PRKD3: variants seen among roughly 807,000 people sequenced by gnomAD.
PRKD3 encodes the protein protein kinase D3.
In PRKD3, 47 loss-of-function variants were observed where a neutral mutation model predicts 99.2. That is an observed-to-expected ratio of 0.47 (90% confidence interval 0.38 to 0.60). The LOEUF (loss-of-function observed/expected upper bound fraction) is 0.60, where lower values mean the gene tolerates loss of function less well. PRKD3 is among the 20% of genes least tolerant of loss of function. The pLI is 0.00. For missense variants in PRKD3, 1,019 were observed against 1,088.4 expected, an observed-to-expected ratio of 0.94 and a Z score of 0.90; for synonymous variants, 392 against 355.4, an observed-to-expected ratio of 1.10 and a Z score of -1.16.
At position 37,317,975 on chromosome 2, in the gene PRKD3, T is replaced by TA. The variant is rs761265481; in HGVS notation, c.-655-797dup. 1,047 of 139,942 alleles carry TA rather than the reference T, an allele frequency of 7.5e-3. 9 individuals carry two copies. The highest frequency in any genetic ancestry group is 0.023 in the African/African-American group (889 of 38,112). The allele number at this position is 139,942 out of a possible 1,614,324, so 8.7% of individuals were successfully genotyped here. On this transcript the variant is annotated intron_variant, in intron 1 of 18. Coordinates refer to ENST00000234179, the MANE Select transcript of PRKD3 (RefSeq NM_005813.6). ...TCTAGGAAAGCACAGGTCAAAAAGTTAAAAAAAAAAAAAGGTATGACCCAA... is the reference window on the plus strand; with the variant it reads ...TCTAGGAAAGCACAGGTCAAAAAGTTAAAAAAAAAAAAAAGGTATGACCCAA...
At chr2:37,269,533 T>C (rs773952022) in intron 13 of PRKD3, 82 bp downstream of exon 13, 4 of 1,257,794 alleles carry the variant, frequency 3.2e-6, no homozygotes, top group African/African-American at 1.5e-5. Context: ...AACTATGAGA[T>C]GACAAAACAG....
chr2:37,277,911 C>CATTG lies in PRKD3; in HGVS notation c.1247_1250dup (p.Met417IlefsTer16). On this transcript the variant is annotated frameshift_variant, in exon 9 of 19. Transcript: ENST00000234179. LOFTEE classifies it high-confidence loss of function. ...AATGGACCATCCACCCTTCCTTCAC[C>CATTG]ATTGTGCTGCTCTTCCTCTTTGTGT... The CATTG allele has an allele frequency of 6.2e-7, 1 of 1,613,680 alleles. No homozygotes were observed. The highest frequency in any genetic ancestry group is 8.5e-7 in the Non-Finnish European group (1 of 1,179,720).
intron 6 of PRKD3, among the ~76,000 whole-genome samples, chr2:37,283,294 C>T (rs1202497933): frequency 6.6e-6 from 1 of 152,022 alleles, no homozygotes; most frequent in Non-Finnish European, 1.5e-5. Flanking sequence ...CAACTCTTAG[C>T]GGGTGGGGAG....
At chr2:37,318,709 T>C (rs995020179) in intron 1 of PRKD3, among the ~76,000 whole-genome samples, 1 of 152,328 alleles carries the variant, frequency 6.6e-6, no homozygotes, top group Non-Finnish European at 1.5e-5. Flanking sequence ...CAACTTTACA[T>C]GAGTTTGAGT....
intron 2 of PRKD3, among the ~76,000 whole-genome samples, chr2:37,308,581 A>T (rs1429868070): frequency 2.7e-5 from 3 of 110,652 alleles, no homozygotes; most frequent in African/African-American, 1.1e-4. Flanking sequence ...CAGCCTCCCG[A>T]GTAGTTGGGA....
At chr2:37,290,753 TA>T in intron 4 of PRKD3, 114 bp downstream of exon 4, 3 of 1,206,044 alleles carry the variant, frequency 2.5e-6, no homozygotes, top group Non-Finnish European at 3.5e-6. Flanking sequence ...TCTCCAATTC[TA>T]AATCCTCGTT....
chr2:37,309,130 G>A (rs1055836302), intron 2 of PRKD3, among the ~76,000 whole-genome samples: 1 of 151,972 alleles, frequency 6.6e-6, no homozygotes, highest in Non-Finnish European at 1.5e-5. Flanking sequence ...ATAAGAAGAC[G>A]CATTCATTTT....
chr2:37,282,407 G>C (rs886885786), intron 7 of PRKD3, 135 bp downstream of exon 7: 3 of 642,398 alleles, frequency 4.7e-6, no homozygotes, highest in Non-Finnish European at 5.5e-6. Context: ...TGTGTATTTT[G>C]TTTGATTATT....
intron 13 of PRKD3, chr2:37,268,673 G>A: frequency 4.9e-6 from 1 of 202,836 alleles, no homozygotes; most frequent in East Asian, 1.5e-4. Context: ...GAGCCCTGAA[G>A]TATGAAAAAA....
chr2:37,259,938 G>C (rs182562164), intron 15 of PRKD3, among the ~76,000 whole-genome samples: 16 of 152,296 alleles, frequency 1.1e-4, no homozygotes, highest in Non-Finnish European at 1.8e-4. Flanking sequence ...ACCTAGGCAG[G>C]TGGATCACTT....
At chr2:37,298,054 A>C (rs1308810508) in intron 2 of PRKD3, among the ~76,000 whole-genome samples, 2 of 152,194 alleles carry the variant, frequency 1.3e-5, no homozygotes, top group Non-Finnish European at 2.9e-5. Context: ...CCACTTATTT[A>C]TTCACAACAT....
At chr2:37,284,455 C>A (rs1238278828) in intron 6 of PRKD3, among the ~76,000 whole-genome samples, 1 of 152,122 alleles carries the variant, frequency 6.6e-6, no homozygotes, top group African/African-American at 2.4e-5. Flanking sequence ...TACTTTTCTG[C>A]ATATGGTTTA....
chr2:37,299,662 T>C (rs1670833849), intron 2 of PRKD3, among the ~76,000 whole-genome samples: 1 of 151,908 alleles, frequency 6.6e-6, no homozygotes, highest in Admixed American at 6.6e-5. Context: ...AACCAGAATA[T>C]ATAAGGAGCT....
At chr2:37,261,129 C>A (rs1307709831) in intron 14 of PRKD3, among the ~76,000 whole-genome samples, 1 of 152,148 alleles carries the variant, frequency 6.6e-6, no homozygotes, top group Non-Finnish European at 1.5e-5. Flanking sequence ...TTCAGTCTTC[C>A]AATTTAATCT....
rs1266693534 is a variant in PRKD3 at position 37,290,872 on chromosome 2, A to C, written c.555T>G (p.Cys185Trp). 1 of 1,587,266 alleles carries C rather than the reference A, an allele frequency of 6.3e-7. No individual in the cohort carries two copies. The stretch of plus-strand genomic sequence containing the variant: ...CAAAAATTTTAGAACACACACCTTC[A>C]CATTTCAGTCCTTGACGTACCAATC... ...LWGLVRQGLK[C>W]EGCGLNYHKR... is the part of the protein sequence containing the mutation. Residue 185 changes from cysteine (C) to tryptophan (W), a missense_variant, in exon 4 of 19, where the codon TGT becomes TGG. By Grantham distance (215) the Cys-to-Trp change is radical. Around this residue, in one of 3 missense-constraint regions of PRKD3, gnomAD observed 710 missense variants for 692.7 expected, o/e 1.02. Coordinates refer to ENST00000234179, the MANE Select transcript of PRKD3 (RefSeq NM_005813.6).
At chr2:37,300,861 T>C (rs1670893123) in intron 2 of PRKD3, among the ~76,000 whole-genome samples, 2 of 152,226 alleles carry the variant, frequency 1.3e-5, no homozygotes. Flanking sequence ...TTGAAATTTG[T>C]AGATACTGCC....
chr2:37,295,104 C>G (rs1481284632), intron 2 of PRKD3, among the ~76,000 whole-genome samples: 2 of 152,052 alleles, frequency 1.3e-5, no homozygotes, highest in Non-Finnish European at 2.9e-5. Context: ...CTCACTCACT[C>G]TACTATTTGT....
intron 2 of PRKD3, among the ~76,000 whole-genome samples, chr2:37,308,109 T>C (rs890588685): frequency 6.6e-6 from 1 of 152,252 alleles, no homozygotes; most frequent in Non-Finnish European, 1.5e-5. Flanking sequence ...TTAATCTTTT[T>C]GTAAAACATA....
chr2:37,266,724 G>A (rs560488721), intron 14 of PRKD3, among the ~76,000 whole-genome samples: 21 of 152,230 alleles, frequency 1.4e-4, no homozygotes, highest in African/African-American at 4.6e-4. Flanking sequence ...CTAACCTCAG[G>A]TGATCCACCC....
Sources: allele counts gnomAD v4.1 joint callset (sites outside exome capture counted in the v4.1 genomes callset), GRCh38; gene constraint gnomAD v4.1.1; regional missense constraint gnomAD v4.1.1; transcripts MANE v1.5; gene names NCBI Gene and HGNC (gene_info 2026-07-23, HGNC 2026-07-21).